The following NAALADL2 variants were observed in gnomAD, a reference collection of about 807,000 sequenced individuals.
The protein encoded by NAALADL2 is inactive N-acetylated-alpha-linked acidic dipeptidase-like protein 2.
In NAALADL2, 76 loss-of-function variants were observed where a neutral mutation model predicts 87.2. The observed-to-expected ratio is 0.87, with a 90% CI of 0.72 to 1.05. The LOEUF is 1.05. Among genes scored for constraint, NAALADL2 ranks in the 50% least tolerant of loss-of-function variants. The pLI is 0.00. For missense variants in NAALADL2, 1,089 were observed against 945.8 expected (o/e 1.15, Z -1.99); for synonymous variants, 354 against 331.0 (o/e 1.07, Z -0.75).
At chr3:174,687,244 A>T (rs1340825331) in intron 2 of NAALADL2, among the ~76,000 whole-genome samples, 2 of 152,086 alleles carry the variant, frequency 1.3e-5, no homozygotes, top group African/African-American at 2.4e-5. Context: ...CCTGTAATTC[A>T]CTATTCCTCC....
At chr3:175,064,253 A>G (rs1714121068) in intron 1 of NAALADL2, among the ~76,000 whole-genome samples, 1 of 152,052 alleles carries the variant, frequency 6.6e-6, no homozygotes, top group Non-Finnish European at 1.5e-5. Context: ...AGAAGAAAAA[A>G]AAAAAAAGAA....
At chr3:175,689,844 T>C (rs1736808785) in intron 11 of NAALADL2, among the ~76,000 whole-genome samples, 1 of 152,146 alleles carries the variant, frequency 6.6e-6, no homozygotes, top group Non-Finnish European at 1.5e-5. Flanking sequence ...CATTATTAGC[T>C]ACGTTCCAAG....
chr3:175,378,578 C>T (rs941129590), intron 5 of NAALADL2, among the ~76,000 whole-genome samples: 1 of 152,152 alleles, frequency 6.6e-6, no homozygotes, highest in Non-Finnish European at 1.5e-5. Context: ...CACCCTTATG[C>T]AAATTTCTGG....
At chr3:174,606,480 G>T (rs999142588) in intron 2 of NAALADL2, among the ~76,000 whole-genome samples, 1 of 152,084 alleles carries the variant, frequency 6.6e-6, no homozygotes, top group African/African-American at 2.4e-5. Flanking sequence ...CTTAAAGGAG[G>T]TGATGGAGCT....
At chr3:175,165,856 C>T (rs34094961) in intron 2 of NAALADL2, among the ~76,000 whole-genome samples, 59,314 of 151,574 alleles carry the variant, frequency 0.39, 12,366 homozygotes, top group East Asian at 0.54. Flanking sequence ...TTTACTGCCT[C>T]CCAGTGCCCT....
chr3:174,531,249 AT>A (rs746559180), intron 1 of NAALADL2, among the ~76,000 whole-genome samples: 2 of 150,040 alleles, frequency 1.3e-5, no homozygotes, highest in Non-Finnish European at 3.0e-5. Context: ...CCTTTTAGTC[AT>A]TATTTCCATG....
chr3:175,360,409 T>C (rs561215363), intron 5 of NAALADL2, among the ~76,000 whole-genome samples: 1 of 152,218 alleles, frequency 6.6e-6, no homozygotes, highest in Non-Finnish European at 1.5e-5. Flanking sequence ...TCCCTCTTTC[T>C]TTCTCTTCTT....
chr3:175,437,525 C>A, intron 5 of NAALADL2, among the ~76,000 whole-genome samples: 1 of 142,764 alleles, frequency 7.0e-6, no homozygotes, highest in Non-Finnish European at 1.5e-5. Context: ...GCCATACTGC[C>A]CAAGGTAATT....
chr3:174,668,502 T>C (rs1317818355), intron 2 of NAALADL2, among the ~76,000 whole-genome samples: 4 of 152,168 alleles, frequency 2.6e-5, no homozygotes, highest in Non-Finnish European at 5.9e-5. Flanking sequence ...ACATGTGCCA[T>C]GTTGGTGTGC....
At chr3:174,747,428 C>T (rs1047326002) in intron 3 of NAALADL2, among the ~76,000 whole-genome samples, 11 of 151,520 alleles carry the variant, frequency 7.3e-5, no homozygotes, top group Non-Finnish European at 7.4e-5. Flanking sequence ...TCAAGACCAG[C>T]CTGACCAACT....
chr3:174,516,664 G>T (rs1429644983), intron 1 of NAALADL2, among the ~76,000 whole-genome samples: 1 of 151,938 alleles, frequency 6.6e-6, no homozygotes, highest in African/African-American at 2.4e-5. Context: ...AAATTGATCT[G>T]TATACTCTTG....
chr3:174,571,529 GCCA>G (rs1289426119), intron 2 of NAALADL2, among the ~76,000 whole-genome samples: 2 of 152,060 alleles, frequency 1.3e-5, no homozygotes, highest in Non-Finnish European at 2.9e-5. Flanking sequence ...ACAGGCATGT[GCCA>G]CCACACCCGG....
intron 1 of NAALADL2, among the ~76,000 whole-genome samples, chr3:175,013,551 A>G (rs1201666570): frequency 1.3e-5 from 2 of 151,726 alleles, no homozygotes; most frequent in South Asian, 4.2e-4. Flanking sequence ...TGTCCTCCTC[A>G]GCCTCCCAAA....
intron 1 of NAALADL2, among the ~76,000 whole-genome samples, chr3:174,974,616 T>C (rs1243017507): frequency 6.6e-6 from 1 of 152,196 alleles, no homozygotes; most frequent in Non-Finnish European, 1.5e-5. Context: ...GAATGTATGC[T>C]ACTACATGGT....
chr3:175,047,805 G>A lies in NAALADL2; in HGVS notation c.44-48985G>A, dbSNP rs116855456. ...CTGGCATTTTATTAAAAAACTTTGC[G>A]AATTCCTGAATCTGATATTCACCTT... On this transcript the variant is annotated intron_variant, in intron 1 of 13. Transcript: ENST00000454872. Among the ~76,000 whole-genome samples the A allele has an allele frequency of 1.5e-3, 225 of 152,202 alleles. 2 individuals are homozygous for A. Among genetic ancestry groups the A allele is most frequent in the East Asian group, 0.013 (68 of 5,176 alleles).
intron 1 of NAALADL2, among the ~76,000 whole-genome samples, chr3:175,082,273 G>T (rs1034191649): frequency 1.3e-5 from 2 of 152,082 alleles, no homozygotes; most frequent in Non-Finnish European, 2.9e-5. Context: ...GCTTTAAAAG[G>T]GTCTTGTGGA....
chr3:175,495,749 TGA>T (rs1464773549), intron 9 of NAALADL2, among the ~76,000 whole-genome samples: 4 of 152,098 alleles, frequency 2.6e-5, no homozygotes, highest in Non-Finnish European at 5.9e-5. Context: ...TCTGTGTTTT[TGA>T]GAGTCTATAA....
chr3:174,868,528 C>A (rs1009125324), intron 1 of NAALADL2, among the ~76,000 whole-genome samples: 1 of 151,988 alleles, frequency 6.6e-6, no homozygotes, highest in Non-Finnish European at 1.5e-5. Flanking sequence ...TATTGTTATC[C>A]ATCATCATAG....
At chr3:175,062,708 A>C (rs970758172) in intron 1 of NAALADL2, among the ~76,000 whole-genome samples, 4 of 152,282 alleles carry the variant, frequency 2.6e-5, no homozygotes, top group African/African-American at 9.6e-5. Context: ...AATCTTAACC[A>C]ATCACTTAGC....
Sources: gnomAD v4.1 joint callset for allele counts (sites outside exome capture counted in the v4.1 genomes callset) on GRCh38, gnomAD v4.1.1 for gene constraint, MANE v1.5 for transcripts, NCBI Gene and HGNC (gene_info 2026-07-23, HGNC 2026-07-21) for gene names.